Variants in UST observed in about 807,000 individuals in gnomAD.
The protein encoded by UST is uronyl 2-sulfotransferase, also known as chondroitin sulfate 2-O-sulfotransferase.
A neutral mutation model predicts 45.6 loss-of-function variants in UST; 21 were observed. The observed-to-expected ratio is 0.46, with a 90% CI of 0.33 to 0.66. The LOEUF is 0.66. UST is among the 30% of genes least tolerant of loss of function. The pLI is 0.02. For missense variants in UST, 463 were observed against 512.4 expected, an observed-to-expected ratio of 0.90 and a Z score of 0.93; for synonymous variants, 215 against 200.6, an observed-to-expected ratio of 1.07 and a Z score of -0.61.
intron 7 of UST, among the ~76,000 whole-genome samples, chr6:149,026,204 G>T (rs1776049138): frequency 6.6e-6 from 1 of 151,906 alleles, no homozygotes; most frequent in South Asian, 2.1e-4. Context: ...CCAGCTACTG[G>T]GCAGGCTGAA....
In UST at chr6:148,870,104, T is replaced by TCACACACA. The variant is rs60229120; in HGVS notation, c.248-16851_248-16844dup. Among the ~76,000 whole-genome samples, 500 of 141,538 alleles carry TCACACACA rather than the reference T, an allele frequency of 3.5e-3. 6 individuals are homozygous for TCACACACA. The highest frequency in any genetic ancestry group is 8.6e-3 in the African/African-American group (322 of 37,280). The allele number at this position is 141,538 out of a possible 152,430, so 92.9% of individuals were successfully genotyped here. A position where few individuals can be genotyped will look rare whatever the true frequency, so the allele number is the denominator to read the frequency against. ...CCCCCAGCTTCACAGTGGTAATGTT[T>TCACACACA]CACACACACACACACACACACACAC... is the stretch of plus-strand genomic sequence containing the variant. On this transcript the variant is annotated intron_variant, in intron 1 of 7. Transcript: ENST00000367463.
At position 149,048,973 on chromosome 6, in the gene UST, A is replaced by G. The variant is rs186962242; in HGVS notation, c.938-24860A>G. Among the ~76,000 whole-genome samples, 3 of 152,350 alleles carry G rather than the reference A, an allele frequency of 2.0e-5. No homozygotes were observed. In the East Asian group the frequency reaches 5.8e-4, roughly 29 times the overall value. ...AAGAGCAAGTTAGTGATACATCTTA[A>G]AAGCCTTCAAAATGCCCATAGCTGC... is the stretch of plus-strand genomic sequence containing the variant. On this transcript the variant is annotated intron_variant, in intron 7 of 7. Transcript: ENST00000367463.
At chr6:148,831,068 G>T (rs1777676687) in intron 1 of UST, among the ~76,000 whole-genome samples, 1 of 111,374 alleles carries the variant, frequency 9.0e-6, no homozygotes. Flanking sequence ...AGAAAGAAAA[G>T]GGGGGGGTGG....
chr6:148,991,520 C>A (rs1257673738), intron 5 of UST, among the ~76,000 whole-genome samples: 1 of 122,840 alleles, frequency 8.1e-6, no homozygotes, highest in East Asian at 2.7e-4. Context: ...CTCCCCCCAC[C>A]CCACGACAGG....
intron 7 of UST, among the ~76,000 whole-genome samples, chr6:149,061,904 A>G (rs1776660276): frequency 6.6e-6 from 1 of 152,250 alleles, no homozygotes; most frequent in Non-Finnish European, 1.5e-5. Flanking sequence ...TAATGGAGAA[A>G]CATCACTAAA....
chr6:148,752,418 G>A (rs1329765012), intron 1 of UST, among the ~76,000 whole-genome samples: 1 of 152,184 alleles, frequency 6.6e-6, no homozygotes, highest in Non-Finnish European at 1.5e-5. Context: ...CTTGTTCATA[G>A]CTACAAGTTT....
intron 7 of UST, among the ~76,000 whole-genome samples, chr6:149,067,541 C>G (rs1490981366): frequency 2.0e-5 from 3 of 152,174 alleles, no homozygotes; most frequent in Non-Finnish European, 4.4e-5. Flanking sequence ...GTGGAGTGTT[C>G]TAGCAAACAT....
At chr6:149,045,314 T>C (rs1776382066) in intron 7 of UST, among the ~76,000 whole-genome samples, 1 of 152,218 alleles carries the variant, frequency 6.6e-6, no homozygotes, top group Admixed American at 6.5e-5. Flanking sequence ...ACCTTCATGG[T>C]ATACTAAACT....
intron 2 of UST, among the ~76,000 whole-genome samples, chr6:148,940,646 A>G (rs1343998452): frequency 6.6e-6 from 1 of 152,160 alleles, no homozygotes; most frequent in Non-Finnish European, 1.5e-5. Context: ...TACGGTTACC[A>G]TATGATCCAG....
At position 148,748,661 on chromosome 6, in the gene UST, C is replaced by T. The variant is rs1775927546; in HGVS notation, c.247+984C>T. Among the ~76,000 whole-genome samples the T allele has an allele frequency of 6.6e-6, 1 of 152,014 alleles. No homozygotes were observed. The highest frequency in any genetic ancestry group is 6.6e-5 in the Admixed American group (1 of 15,256). ...TTCGAGCCAAGGGAGGATGCAGATC[C>T]CTCCCAAGTCTGTGGCCAGAAGAGG... On this transcript the variant is annotated intron_variant, in intron 1 of 7. Coordinates refer to ENST00000367463, the MANE Select transcript of UST (RefSeq NM_005715.3). This position sits in a 1 kb window ranked among gnomAD's most constrained non-coding sequence, Gnocchi z 5.3.
chr6:148,977,759 AAAAAAAAAAAAAG>A (rs1781047664), intron 5 of UST, among the ~76,000 whole-genome samples: 1 of 151,120 alleles, frequency 6.6e-6, no homozygotes, highest in Non-Finnish European at 1.5e-5. Context: ...CTCAAAAAAA[AAAAAAAAAAAAAG>A]AAAAGAAAAT....
At chr6:148,985,526 T>C (rs1357732094) in intron 5 of UST, among the ~76,000 whole-genome samples, 5 of 152,136 alleles carry the variant, frequency 3.3e-5, no homozygotes, top group Admixed American at 6.5e-5. Context: ...GAAGAATATC[T>C]AAAATGAGAA....
At chr6:148,931,021 A>C (rs1420589325) in intron 2 of UST, among the ~76,000 whole-genome samples, 1 of 152,226 alleles carries the variant, frequency 6.6e-6, no homozygotes, top group Non-Finnish European at 1.5e-5. Context: ...TTGGCAGCCA[A>C]GTGTGGCTGT....
chr6:148,990,378 A>G (rs1317974520), intron 5 of UST: 1 of 985,006 alleles, frequency 1.0e-6, no homozygotes, highest in Non-Finnish European at 1.2e-6. Context: ...CAAATAGTTA[A>G]GCAGATCAAC....
At chr6:148,895,579 C>G (rs1019453883) in intron 2 of UST, among the ~76,000 whole-genome samples, 3 of 152,172 alleles carry the variant, frequency 2.0e-5, no homozygotes, top group Non-Finnish European at 2.9e-5. Flanking sequence ...CCATAATTCC[C>G]AAGTGTTGTG....
chr6:149,060,422 C>T (rs770499480), intron 7 of UST, among the ~76,000 whole-genome samples: 2 of 152,144 alleles, frequency 1.3e-5, no homozygotes, highest in Non-Finnish European at 2.9e-5. Context: ...CGCTGTGAGC[C>T]GCAGTGACAC....
chr6:148,948,179 G>T (rs951006732), intron 3 of UST, among the ~76,000 whole-genome samples: 1 of 152,178 alleles, frequency 6.6e-6, no homozygotes, highest in Non-Finnish European at 1.5e-5. Context: ...AAGGGTCACC[G>T]GAGCCTCCAG....
chr6:148,815,268 T>A (rs370221975), intron 1 of UST, among the ~76,000 whole-genome samples: 114 of 152,320 alleles, frequency 7.5e-4, no homozygotes, highest in African/African-American at 2.7e-3. Context: ...AAGCTAATAG[T>A]ATTAGTTGCC....
intron 2 of UST, among the ~76,000 whole-genome samples, chr6:148,922,579 C>T (rs979213139): frequency 2.6e-4 from 39 of 148,670 alleles, no homozygotes; most frequent in Admixed American, 1.1e-3. Context: ...AGCTCCCTCT[C>T]GCGGGTTCAC....
Sources: gnomAD v4.1 joint callset for allele counts (sites outside exome capture counted in the v4.1 genomes callset) on GRCh38, gnomAD v4.1.1 for gene constraint, Gnocchi (gnomAD v3.1) non-coding constraint, MANE v1.5 for transcripts, NCBI Gene and HGNC (gene_info 2026-07-23, HGNC 2026-07-21) for gene names.